The following DPP6 variants were observed in gnomAD, a reference collection of about 807,000 sequenced individuals.
DPP6 encodes A-type potassium channel modulatory protein DPP6.
DPP6 carries 69 observed loss-of-function variants against 122.6 expected under a neutral mutation model. The observed-to-expected ratio is 0.56, with a 90% confidence interval of 0.46 to 0.69. DPP6 has a LOEUF of 0.69. Ranked by LOEUF, DPP6 falls within the 30% of genes least tolerant of loss-of-function variation. The pLI, the probability that DPP6 is intolerant of heterozygous loss-of-function variation, is 0.00. For missense variants in DPP6, 928 were observed against 1,116.9 expected (o/e 0.83, Z 2.41); for synonymous variants, 418 against 433.1 (o/e 0.97, Z 0.43).
In DPP6 at chr7:154,271,253, C is replaced by A. The variant is rs141638902; in HGVS notation, c.244-174961C>A. Among the ~76,000 whole-genome samples, 447 of 152,226 alleles carry A rather than the reference C, an allele frequency of 2.9e-3. 4 individuals carry two copies. The highest frequency in any genetic ancestry group is 0.01 in the African/African-American group (429 of 41,528). On this transcript the variant is annotated intron_variant, in intron 1 of 25. Coordinates refer to ENST00000377770, the MANE Select transcript of DPP6 (RefSeq NM_130797.4). ...AGTGATACCCCATTTATGTGTCGAT[C>A]CAATCAGACAGGTACCAGAGGTGTC...
At chr7:154,375,103 G>C (rs1489555474) in intron 1 of DPP6, among the ~76,000 whole-genome samples, 3 of 152,150 alleles carry the variant, frequency 2.0e-5, no homozygotes, top group African/African-American at 7.2e-5. Flanking sequence ...AGAGGAGCGT[G>C]AGTCCCGGGG....
chr7:153,880,547 G>A, the DPP6 span, among the ~76,000 whole-genome samples: 1 of 152,186 alleles, frequency 6.6e-6, no homozygotes, highest in Non-Finnish European at 1.5e-5. Flanking sequence ...GTAGGAAACT[G>A]AAGAGTTAAA....
intron 1 of DPP6, among the ~76,000 whole-genome samples, chr7:154,071,313 T>C (rs1295410225): frequency 6.6e-6 from 1 of 152,212 alleles, no homozygotes; most frequent in Admixed American, 6.5e-5. Context: ...TTCATTATTC[T>C]CATTTTACAA....
rs148385091 is a variant in DPP6, at chr7:153,945,388, C to T, written c.51+57654C>T. ...AGAAGCTGGGAGTCCAATCAGAAGG[C>T]GAATTGAGGTATCACAGAGCAGGAA... is the stretch of plus-strand genomic sequence containing the variant. On this transcript the variant is annotated intron_variant, in intron 1 of 25. Coordinates refer to the DPP6 transcript ENST00000404039. Among the ~76,000 whole-genome samples, 468 of 152,030 alleles carry T rather than the reference C, an allele frequency of 3.1e-3. 2 individuals are homozygous for T. The highest frequency in any genetic ancestry group is 9.8e-3 in the African/African-American group (406 of 41,452).
At chr7:154,734,347 G>A (rs1048410222) in intron 8 of DPP6, among the ~76,000 whole-genome samples, 2 of 152,184 alleles carry the variant, frequency 1.3e-5, no homozygotes, top group African/African-American at 2.4e-5. Flanking sequence ...GAAGCCCCCT[G>A]GAGTGTAGAT....
intron 7 of DPP6, among the ~76,000 whole-genome samples, chr7:154,707,246 A>G (rs543707406): frequency 6.6e-6 from 1 of 152,164 alleles, no homozygotes; most frequent in African/African-American, 2.4e-5. Flanking sequence ...GTGTTTTATA[A>G]CCTCCAGGAT....
chr7:153,899,736 A>G (rs1315346789), intron 1 of DPP6, among the ~76,000 whole-genome samples: 3 of 152,238 alleles, frequency 2.0e-5, no homozygotes, highest in African/African-American at 7.2e-5. Flanking sequence ...GAGAGCACTG[A>G]AATTGTCAGC....
chr7:154,728,504 T>C (rs1421736857), intron 8 of DPP6, among the ~76,000 whole-genome samples: 1 of 152,226 alleles, frequency 6.6e-6, no homozygotes, highest in Non-Finnish European at 1.5e-5. Context: ...GTCTCCATGC[T>C]CATGACCCTT....
intron 1 of DPP6, among the ~76,000 whole-genome samples, chr7:154,252,755 A>T (rs1270369540): frequency 6.6e-6 from 1 of 152,224 alleles, no homozygotes; most frequent in Non-Finnish European, 1.5e-5. Context: ...TCTAGAATAA[A>T]AGTGAATTGT....
intron 7 of DPP6, among the ~76,000 whole-genome samples, chr7:154,701,475 A>T (rs553442446): frequency 4.2e-4 from 64 of 152,312 alleles, no homozygotes; most frequent in African/African-American, 1.4e-3. Flanking sequence ...TAGGCATTTT[A>T]ATTTGGAGAG....
At chr7:154,058,866 G>C (rs1240787977) in intron 1 of DPP6, 7 of 129,438 alleles carry the variant, frequency 5.4e-5, no homozygotes, top group African/African-American at 9.1e-5. Flanking sequence ...CCCATCGCAG[G>C]TGGGGAGGCA....
At chr7:154,276,738 G>T (rs1292891023) in intron 1 of DPP6, among the ~76,000 whole-genome samples, 1 of 152,200 alleles carries the variant, frequency 6.6e-6, no homozygotes, top group Non-Finnish European at 1.5e-5. Context: ...GCTCCTAGTG[G>T]AAATGTAAGG....
At chr7:154,390,409 G>T (rs1218893028) in intron 1 of DPP6, among the ~76,000 whole-genome samples, 1 of 151,882 alleles carries the variant, frequency 6.6e-6, no homozygotes, top group Non-Finnish European at 1.5e-5. Context: ...GAGAGTTTGA[G>T]TTTTTTTTAT....
the DPP6 span, among the ~76,000 whole-genome samples, chr7:153,849,070 T>C: frequency 1.3e-5 from 2 of 152,172 alleles, no homozygotes; most frequent in Non-Finnish European, 2.9e-5. Flanking sequence ...AATTAATCTG[T>C]AGGAATTCAT....
intron 1 of DPP6, among the ~76,000 whole-genome samples, chr7:154,344,232 A>T (rs1810195713): frequency 6.6e-6 from 1 of 152,144 alleles, no homozygotes; most frequent in Non-Finnish European, 1.5e-5. Context: ...CTGTGTTCTA[A>T]CACCCGCTTC....
rs71182854 is a variant in DPP6 at position 153,928,396 on chromosome 7, ATTTTTTTTTTTTTTTT to A, written c.51+40672_51+40687del. 1.8e-4 allele frequency among the ~76,000 whole-genome samples: 8 copies of A among 43,674 alleles called. 1 individual carries two copies. The highest frequency in any genetic ancestry group is 3.1e-4 in the Non-Finnish European group (7 of 22,868). The allele number at this position is 43,674 out of a possible 152,430, so 28.7% of individuals were successfully genotyped here. A position where few individuals can be genotyped will look rare whatever the true frequency, so the allele number is the denominator to read the frequency against. On this transcript the variant is annotated intron_variant, in intron 1 of 25. Coordinates refer to the DPP6 transcript ENST00000404039. Reference sequence around the variant, plus strand: ...CTGGCTAATTTTTTTCTTTTCTTTCATTTTTTTTTTTTTTTTTTTTTTTTTGGTAGAGACAGAGTTT... The same window carrying A: ...CTGGCTAATTTTTTTCTTTTCTTTCATTTTTTTTTGGTAGAGACAGAGTTT...
At chr7:153,790,961 C>G in the DPP6 span, among the ~76,000 whole-genome samples, 1 of 151,900 alleles carries the variant, frequency 6.6e-6, no homozygotes, top group East Asian at 1.9e-4. Context: ...TTGGAAGACC[C>G]GAGGAGATAA....
intron 1 of DPP6, among the ~76,000 whole-genome samples, chr7:154,346,810 G>C (rs1810438821): frequency 6.6e-6 from 1 of 152,172 alleles, no homozygotes; most frequent in Non-Finnish European, 1.5e-5. Context: ...AATAACAAAT[G>C]CTTTTTGGGG....
chr7:154,727,528 A>C (rs1842123062), intron 7 of DPP6, among the ~76,000 whole-genome samples: 2 of 152,214 alleles, frequency 1.3e-5, no homozygotes, highest in African/African-American at 4.8e-5. Context: ...CAAATTGTCC[A>C]GTCATGGTAA....
Sources: allele counts gnomAD v4.1 joint callset (sites outside exome capture counted in the v4.1 genomes callset), GRCh38; gene constraint gnomAD v4.1.1; transcripts MANE v1.5; gene names NCBI Gene and HGNC (gene_info 2026-07-23, HGNC 2026-07-21).